PDE8B: variants seen among roughly 807,000 people sequenced by gnomAD.
PDE8B encodes phosphodiesterase 8B, also known as high affinity cAMP-specific and IBMX-insensitive 3',5'-cyclic phosphodiesterase 8B.
A neutral mutation model predicts 101.3 loss-of-function variants in PDE8B; 26 were observed. That is an observed-to-expected ratio of 0.26 (90% CI 0.19 to 0.36). The LOEUF (loss-of-function observed/expected upper bound fraction) is 0.36. Among genes scored for constraint, PDE8B ranks in the 10% least tolerant of loss-of-function variants. The pLI, the probability that PDE8B is intolerant of heterozygous loss-of-function variation, is 1.00. For synonymous variants in PDE8B, 424 were observed against 429.3 expected, an observed-to-expected ratio of 0.99 and a Z score of 0.15; for missense variants, 810 against 1,163.1, an observed-to-expected ratio of 0.70 and a Z score of 4.42.
the PDE8B span, among the ~76,000 whole-genome samples, chr5:77,102,508 A>C: frequency 6.6e-6 from 1 of 152,168 alleles, no homozygotes; most frequent in African/African-American, 2.4e-5. Context: ...TGCATCAAAT[A>C]CCTTGCAGAG....
At chr5:77,314,238 G>C (rs781028938) in intron 2 of PDE8B, among the ~76,000 whole-genome samples, 14 of 152,044 alleles carry the variant, frequency 9.2e-5, no homozygotes, top group Non-Finnish European at 1.6e-4. Context: ...CTATTCCATT[G>C]ATTTATATGT....
At chr5:77,210,497 TG>T, upstream of PDE8B, 1 of 370,490 alleles carries the variant, frequency 2.7e-6, no homozygotes, top group Non-Finnish European at 3.7e-6. The surrounding 1 kb of genome is among the most constrained non-coding windows in gnomAD (Gnocchi z 4.9). Context: ...GGAAAGAAGG[TG>T]CAGGCAGGCG....
At chr5:77,150,273 A>T in the PDE8B span, among the ~76,000 whole-genome samples, 1 of 152,102 alleles carries the variant, frequency 6.6e-6, no homozygotes, top group Non-Finnish European at 1.5e-5. Context: ...TGGGAACAGG[A>T]TTTCATGGAT....
the PDE8B span, among the ~76,000 whole-genome samples, chr5:77,123,516 G>A: frequency 6.6e-6 from 1 of 152,158 alleles, no homozygotes; most frequent in Non-Finnish European, 1.5e-5. Flanking sequence ...CCAGCACTTT[G>A]GGAGGCTGAG....
intron 1 of PDE8B, among the ~76,000 whole-genome samples, chr5:77,280,083 A>G (rs1764652068): frequency 6.6e-6 from 1 of 152,230 alleles, no homozygotes; most frequent in East Asian, 1.9e-4. Flanking sequence ...AATAAAGTGG[A>G]ATATGCCTCA....
intron 1 of PDE8B, among the ~76,000 whole-genome samples, chr5:77,260,316 A>G (rs995927268): frequency 1.3e-5 from 2 of 152,200 alleles, no homozygotes; most frequent in Non-Finnish European, 2.9e-5. Context: ...ACCATTAAAC[A>G]TATTTTTCAG....
chr5:77,155,248 C>G, the PDE8B span, among the ~76,000 whole-genome samples: 1 of 152,164 alleles, frequency 6.6e-6, no homozygotes, highest in Non-Finnish European at 1.5e-5. Flanking sequence ...AGAGGGAAAT[C>G]TGATTTTTAA....
intron 1 of PDE8B, among the ~76,000 whole-genome samples, chr5:77,263,234 A>G (rs1408834585): frequency 6.6e-6 from 1 of 152,216 alleles, no homozygotes; most frequent in Non-Finnish European, 1.5e-5. Flanking sequence ...CATTTTTGTA[A>G]GAGAATAGGA....
Position 77,404,749 on chromosome 5 carries a change from A to G in PDE8B, c.1240A>G (p.Arg414Gly). 6.2e-7 allele frequency: 1 copy of G among 1,606,422 alleles called. No homozygotes were observed. Among genetic ancestry groups the G allele is most frequent in the Non-Finnish European group, 8.5e-7 (1 of 1,173,052 alleles). The change falls in exon 12 of 22, where the codon AGG becomes GGG. Residue 414 changes from arginine to glycine, a missense_variant. This residue lies in a region of PDE8B where 75 missense variants were observed against 76.9 expected (regional missense o/e 0.98). Transcript: ENST00000264917. The part of the protein sequence containing the change: ...EPHSFRYKNR[R>G]KESIDVKSIS... Reference sequence around the variant, plus strand: ...TCATTCATTCAGATATAAGAACAGGAGGAAAGAGTCCATTGACGTGAAATC... The same window carrying G: ...TCATTCATTCAGATATAAGAACAGGGGGAAAGAGTCCATTGACGTGAAATC...
At chr5:77,182,612 T>A in the PDE8B span, among the ~76,000 whole-genome samples, 1 of 152,150 alleles carries the variant, frequency 6.6e-6, no homozygotes, top group South Asian at 2.1e-4. Flanking sequence ...TGATAAACAA[T>A]TGACTTACCT....
intron 10 of PDE8B, among the ~76,000 whole-genome samples, chr5:77,378,048 A>ACACACACACCC (rs1347483439): frequency 2.1e-5 from 2 of 93,952 alleles, no homozygotes; most frequent in East Asian, 2.7e-4. Flanking sequence ...ACACACACAC[A>ACACACACACCC]CCCCCTGTTG....
At chr5:77,369,728 G>A (rs1042078612) in intron 10 of PDE8B, among the ~76,000 whole-genome samples, 1 of 152,112 alleles carries the variant, frequency 6.6e-6, no homozygotes, top group Admixed American at 6.5e-5. Context: ...ATCATACCTC[G>A]AGACCACTAC....
the PDE8B span, among the ~76,000 whole-genome samples, chr5:77,093,315 T>G: frequency 6.6e-6 from 1 of 152,230 alleles, no homozygotes; most frequent in Non-Finnish European, 1.5e-5. Context: ...TTTGGTAGTT[T>G]GTATTTTTTC....
chr5:77,291,540 C>A, intron 1 of PDE8B: 4 of 1,603,980 alleles, frequency 2.5e-6, no homozygotes, highest in Non-Finnish European at 1.7e-6. Context: ...TGAAGTAAAA[C>A]AGAGACTTTC....
At position 77,339,898 on chromosome 5, in the gene PDE8B, T is replaced by C. The variant is rs576993108; in HGVS notation, c.797+2583T>C. 2.0e-5 allele frequency among the ~76,000 whole-genome samples: 3 copies of C among 152,274 alleles called. No homozygotes were observed. In the South Asian group the frequency reaches 6.2e-4, roughly 32 times the overall value. On this transcript the variant is annotated intron_variant, in intron 6 of 21. Transcript: ENST00000264917. ...AGAAGATGTAGTCTAATTTTAAGAT[T>C]CTATTATATAAAATAACTTAAAGAT...
chr5:77,138,577 A>C, the PDE8B span, among the ~76,000 whole-genome samples: 1 of 152,214 alleles, frequency 6.6e-6, no homozygotes, highest in African/African-American at 2.4e-5. Context: ...AGACTCCAGC[A>C]TGGAGTTTAT....
intron 12 of PDE8B, among the ~76,000 whole-genome samples, chr5:77,406,015 G>A (rs1385030373): frequency 6.6e-6 from 1 of 152,110 alleles, no homozygotes; most frequent in Non-Finnish European, 1.5e-5. Flanking sequence ...GGCCAGGTGC[G>A]ATGGCTCATG....
At chr5:77,106,504 A>G in the PDE8B span, among the ~76,000 whole-genome samples, 1 of 152,202 alleles carries the variant, frequency 6.6e-6, no homozygotes, top group Admixed American at 6.5e-5. Context: ...CATTGATCGC[A>G]TATCTATGTT....
chr5:77,181,250 A>G, the PDE8B span, among the ~76,000 whole-genome samples: 6 of 152,142 alleles, frequency 3.9e-5, no homozygotes, highest in African/African-American at 1.4e-4. Context: ...CGTGTGTACA[A>G]AGAAGGGTCC....
Sources: gnomAD v4.1 joint callset for allele counts (sites outside exome capture counted in the v4.1 genomes callset) on GRCh38, gnomAD v4.1.1 for gene constraint, gnomAD v4.1.1 regional missense constraint, Gnocchi (gnomAD v3.1) non-coding constraint, MANE v1.5 for transcripts, NCBI Gene and HGNC (gene_info 2026-07-23, HGNC 2026-07-21) for gene names.